TMCO4: variants seen among roughly 807,000 people sequenced by gnomAD.
The protein encoded by TMCO4 is transmembrane and coiled-coil domain-containing protein 4.
A neutral mutation model predicts 64.7 loss-of-function variants in TMCO4; 58 were observed. That is an observed-to-expected ratio of 0.90 (90% CI 0.73 to 1.12). The LOEUF is 1.12. TMCO4 is among the 50% of genes most tolerant of loss of function. The pLI is 0.00. For synonymous variants in TMCO4, 325 were observed against 346.1 expected, an observed-to-expected ratio of 0.94 and a Z score of 0.68; for missense variants, 780 against 825.9, an observed-to-expected ratio of 0.94 and a Z score of 0.68.
chr1:19,751,577 G>A (rs1050184011), intron 7 of TMCO4, among the ~76,000 whole-genome samples: 3 of 152,188 alleles, frequency 2.0e-5, no homozygotes, highest in African/African-American at 7.2e-5. Context: ...CTGCACTCCA[G>A]TCTGGGTGAC....
intron 13 of TMCO4, among the ~76,000 whole-genome samples, chr1:19,718,335 A>AAAT (rs2095366179): frequency 1.3e-5 from 2 of 151,050 alleles, no homozygotes; most frequent in African/African-American, 2.4e-5. Flanking sequence ...ACTCCATCTC[A>AAAT]AAATAAATAA....
intron 13 of TMCO4, among the ~76,000 whole-genome samples, chr1:19,705,965 A>G (rs982469875): frequency 6.6e-6 from 1 of 152,142 alleles, no homozygotes; most frequent in Non-Finnish European, 1.5e-5. Flanking sequence ...CTGTGGCGCA[A>G]TTGTGGCTCA....
chr1:19,774,948 G>A (rs999022045), intron 4 of TMCO4, among the ~76,000 whole-genome samples: 19 of 152,160 alleles, frequency 1.2e-4, no homozygotes, highest in African/African-American at 4.3e-4. Context: ...CACTCCAGTG[G>A]TTATGTCCCT....
intron 5 of TMCO4, among the ~76,000 whole-genome samples, chr1:19,770,877 T>C (rs2235650): frequency 0.3 from 45,436 of 152,138 alleles, 6,985 homozygotes; most frequent in East Asian, 0.35. Context: ...CTCAAGGGCA[T>C]ACAGTGAAGC....
At chr1:19,710,071 G>A (rs1461389673) in intron 13 of TMCO4, among the ~76,000 whole-genome samples, 7 of 151,510 alleles carry the variant, frequency 4.6e-5, no homozygotes, top group East Asian at 1.9e-4. Flanking sequence ...GTGAGCCACC[G>A]TGCCCAGCCT....
At chr1:19,788,794 G>A (rs542703060) in intron 2 of TMCO4, among the ~76,000 whole-genome samples, 1 of 152,146 alleles carries the variant, frequency 6.6e-6, no homozygotes, top group African/African-American at 2.4e-5. Context: ...AACATGTTTC[G>A]GCTGGGTGTG....
At chr1:19,770,641 G>T in intron 5 of TMCO4, 72 bp from the exon 6 acceptor site, 1 of 1,494,516 alleles carries the variant, frequency 6.7e-7, no homozygotes, top group South Asian at 1.3e-5. Flanking sequence ...GACAAATATT[G>T]ACTCCTACCA....
chr1:19,707,483 G>A lies in TMCO4; in HGVS notation c.1265-6598C>T, dbSNP rs978407262. 2.0e-3 allele frequency among the ~76,000 whole-genome samples: 299 copies of A among 152,272 alleles called. 1 individual carries two copies. The highest frequency in any genetic ancestry group is 7.1e-3 in the African/African-American group (296 of 41,568). On this transcript the variant is annotated intron_variant, in intron 13 of 15. Coordinates refer to ENST00000294543, the MANE Select transcript of TMCO4 (RefSeq NM_181719.7). Reference sequence around the variant, plus strand: ...ACTAAAAACACAAAAATTATCCCGGGGTGGTGGCACATGCCTGTAATCCCA... The same window carrying A: ...ACTAAAAACACAAAAATTATCCCGGAGTGGTGGCACATGCCTGTAATCCCA...
chr1:19,689,614 G>A (rs2095176427), intron 15 of TMCO4, among the ~76,000 whole-genome samples: 1 of 152,366 alleles, frequency 6.6e-6, no homozygotes, highest in East Asian at 1.9e-4. Context: ...ATGCCTCTCT[G>A]GTGCCAAAGG....
At chr1:19,790,058 A>G (rs965556729) in intron 2 of TMCO4, among the ~76,000 whole-genome samples, 5 of 125,264 alleles carry the variant, frequency 4.0e-5, no homozygotes, top group African/African-American at 8.5e-5. Flanking sequence ...TCTGCCTCAG[A>G]AAAAAAAAAA....
At chr1:19,786,882 G>A (rs1425685913) in intron 3 of TMCO4, 144 bp downstream of exon 3, 1 of 152,190 alleles carries the variant, frequency 6.6e-6, no homozygotes, top group African/African-American at 2.4e-5. Flanking sequence ...CCCTACTACA[G>A]TGGTGACTAA....
intron 8 of TMCO4, 45 bp downstream of exon 8, chr1:19,747,118 G>T: frequency 6.3e-7 from 1 of 1,590,608 alleles, no homozygotes; most frequent in Non-Finnish European, 8.6e-7. Flanking sequence ...TCATTTCTCT[G>T]TCTACAAAAC....
In TMCO4 at chr1:19,781,001, C is replaced by G. The variant is rs147289001; in HGVS notation, c.-8-235G>C. Reference sequence around the variant, plus strand: ...ATACACAGTATCCAAACAACTAACTCCAGTAAGTCATTAAGAAAAAGAAAC... The same window carrying G: ...ATACACAGTATCCAAACAACTAACTGCAGTAAGTCATTAAGAAAAAGAAAC... On this transcript the variant is annotated intron_variant, in intron 3 of 15. Coordinates refer to ENST00000294543, the MANE Select transcript of TMCO4 (RefSeq NM_181719.7). Among the ~76,000 whole-genome samples, 62 of 152,064 alleles carry G rather than the reference C, an allele frequency of 4.1e-4. 1 individual carries two copies. The highest frequency in any genetic ancestry group is 1.5e-3 in the African/African-American group (61 of 41,480).
rs2095471555 is a variant in TMCO4 at position 19,739,935 on chromosome 1, T to C, written c.1068A>G (p.Pro356=). Reference sequence around the variant, plus strand: ...CATTGGCGACACTGAGGAGTGAGGCTGGCCAGGTCAGGGCAGCCACAATGC... The same window carrying C: ...CATTGGCGACACTGAGGAGTGAGGCCGGCCAGGTCAGGGCAGCCACAATGC... ...LSGIVAALTW[P]ASLLSVANVI... is the part of the protein sequence containing the mutation. Residue 356 remains proline (P), a synonymous_variant, in exon 12 of 16, where the codon CCA becomes CCG. Transcript: ENST00000294543. 1 of 1,613,746 alleles carries C rather than the reference T, an allele frequency of 6.2e-7. No individual in the cohort carries two copies. Among genetic ancestry groups the C allele is most frequent in the Non-Finnish European group, 8.5e-7 (1 of 1,179,864 alleles).
intron 7 of TMCO4, among the ~76,000 whole-genome samples, chr1:19,751,439 A>C (rs899717089): frequency 6.6e-5 from 10 of 152,098 alleles, no homozygotes; most frequent in African/African-American, 2.4e-4. Context: ...CCCTAGAAAA[A>C]TAAAAAAATT....
chr1:19,788,946 G>A (rs143479894), intron 2 of TMCO4, among the ~76,000 whole-genome samples: 3,543 of 152,006 alleles, frequency 0.023, 145 homozygotes, highest in African/African-American at 0.081. Flanking sequence ...GTGCTGGCAC[G>A]CGCCTGTAGT....
chr1:19,776,767 C>T (rs781279260), intron 4 of TMCO4, among the ~76,000 whole-genome samples: 1 of 152,138 alleles, frequency 6.6e-6, no homozygotes, highest in Non-Finnish European at 1.5e-5. Flanking sequence ...GTGGCTCACG[C>T]CTGTAATCCC....
intron 3 of TMCO4, among the ~76,000 whole-genome samples, chr1:19,781,144 CAAA>C (rs535767635): frequency 1.9e-5 from 1 of 52,594 alleles, no homozygotes; most frequent in Non-Finnish European, 3.8e-5. Context: ...GACTCCATCT[CAAA>C]AAAAAAAAAA....
intron 7 of TMCO4, among the ~76,000 whole-genome samples, chr1:19,751,786 C>T (rs1215016920): frequency 6.6e-6 from 1 of 152,146 alleles, no homozygotes; most frequent in Admixed American, 6.5e-5. Context: ...TGGTGGCTCG[C>T]GCCTGTGGTC....
Sources: gnomAD v4.1 joint callset for allele counts (sites outside exome capture counted in the v4.1 genomes callset) on GRCh38, gnomAD v4.1.1 for gene constraint, MANE v1.5 for transcripts, NCBI Gene and HGNC (gene_info 2026-07-23, HGNC 2026-07-21) for gene names.